The following DENND11 variants were observed in gnomAD, a reference collection of about 807,000 sequenced individuals.
The protein encoded by DENND11 is DENN domain containing 11.
Under a neutral mutation model 49.2 loss-of-function variants are expected in DENND11, and 34 were observed. The observed-to-expected ratio is 0.69, with a 90% CI of 0.53 to 0.92. The LOEUF is 0.92. Ranked by LOEUF, DENND11 falls within the 40% of genes least tolerant of loss-of-function variation. DENND11 has a pLI of 0.00. For synonymous variants in DENND11, 238 were observed against 230.3 expected, an observed-to-expected ratio of 1.03 and a Z score of -0.30; for missense variants, 475 against 581.6, an observed-to-expected ratio of 0.82 and a Z score of 1.88.
chr7:141,683,660 AC>A (rs372512537), intron 3 of DENND11, among the ~76,000 whole-genome samples: 82 of 151,892 alleles, frequency 5.4e-4, no homozygotes, highest in Middle Eastern at 6.8e-3. Flanking sequence ...AAAAACAACA[AC>A]AACAAAACAA....
chr7:141,667,406 C>T (rs540266685), intron 4 of DENND11, among the ~76,000 whole-genome samples: 8 of 152,190 alleles, frequency 5.3e-5, no homozygotes, highest in African/African-American at 1.7e-4. Flanking sequence ...GGTTCACTAT[C>T]CTTAACTGTG....
chr7:141,681,841 TGTG>T (rs1798151654), intron 3 of DENND11, among the ~76,000 whole-genome samples: 1 of 152,080 alleles, frequency 6.6e-6, no homozygotes, highest in South Asian at 2.1e-4. Context: ...CCACTGTAGA[TGTG>T]GTTATGGAGG....
At chr7:141,669,044 A>T (rs1189827194) in intron 4 of DENND11, among the ~76,000 whole-genome samples, 1 of 152,146 alleles carries the variant, frequency 6.6e-6, no homozygotes, top group African/African-American at 2.4e-5. Flanking sequence ...CCACTAGGGA[A>T]GCCCTCCACT....
intron 1 of DENND11, among the ~76,000 whole-genome samples, chr7:141,699,829 C>G (rs1184176842): frequency 6.6e-6 from 1 of 152,180 alleles, no homozygotes; most frequent in Non-Finnish European, 1.5e-5. Flanking sequence ...ATAAATCAAA[C>G]AGCATTATAG....
rs1280432784 is a variant in DENND11, at chr7:141,662,535, A to G, written c.*121T>C. 1.5e-5 allele frequency: 9 copies of G among 599,450 alleles called. No homozygotes were observed. Among genetic ancestry groups the G allele is most frequent in the African/African-American group, 3.8e-5 (2 of 52,068 alleles). The allele number at this position is 599,450 out of a possible 1,614,324, so 37.1% of individuals were successfully genotyped here. A position where few individuals can be genotyped will look rare whatever the true frequency, so the allele number is the denominator to read the frequency against. On this transcript the variant is annotated 3_prime_UTR_variant, in exon 9 of 9. Coordinates refer to ENST00000536163, the MANE Select transcript of DENND11 (RefSeq NM_001080392.2). ...AAATTGCAAAAATTATGTTTGTTGG[A>G]AAGTATAAACAATATTCCTTTGTGT... is the stretch of plus-strand genomic sequence containing the variant.
chr7:141,669,736 T>C (rs1253376263), intron 4 of DENND11, among the ~76,000 whole-genome samples: 1 of 151,954 alleles, frequency 6.6e-6, no homozygotes, highest in Non-Finnish European at 1.5e-5. Flanking sequence ...TAAAATGTTA[T>C]ATTTCAATAA....
At chr7:141,685,003 T>A (rs1168745688) in intron 3 of DENND11, among the ~76,000 whole-genome samples, 1 of 118,852 alleles carries the variant, frequency 8.4e-6, no homozygotes, top group Non-Finnish European at 1.7e-5. Context: ...AGTAAGAGCC[T>A]GTCTCTACCA....
At position 141,674,092 on chromosome 7, in the gene DENND11, T is replaced by C. The variant is rs566897224; in HGVS notation, c.656A>G (p.His219Arg). 3 of 1,604,092 alleles carry C rather than the reference T, an allele frequency of 1.9e-6. No individual in the cohort carries two copies. In the East Asian group the frequency reaches 6.7e-5, roughly 36 times the overall value. ...CTTCATCTCAGGGTACATGTATCGGTGGATGGAAGGCAGCCAGTAGACAGG... is the reference window on the plus strand; with the variant it reads ...CTTCATCTCAGGGTACATGTATCGGCGGATGGAAGGCAGCCAGTAGACAGG... ...LPPVYWLPSI[H>R]RYMYPEMKIT... The change falls in exon 4 of 9, where the codon CAC becomes CGC. Residue 219 changes from histidine (H) to arginine (R), a missense_variant. His to Arg is a conservative substitution (Grantham distance 29, BLOSUM62 0). Transcript: ENST00000536163.
At chr7:141,688,287 A>G (rs959563761) in intron 1 of DENND11, among the ~76,000 whole-genome samples, 1 of 152,184 alleles carries the variant, frequency 6.6e-6, no homozygotes, top group Non-Finnish European at 1.5e-5. Flanking sequence ...CCAAATCCTA[A>G]TTTGCTAGGC....
In DENND11 at chr7:141,657,735, A is replaced by G. The variant is rs571685989; in HGVS notation, c.*4921T>C. ...CTAAAAATCGAAAATAAATTCTAAA[A>G]AGAGGAAAGCAAGGCTTTTGTCTCC... On this transcript the variant is annotated 3_prime_UTR_variant, in exon 9 of 9. Coordinates refer to ENST00000536163, the MANE Select transcript of DENND11 (RefSeq NM_001080392.2). 6.5e-6 allele frequency: 1 copy of G among 152,744 alleles called. No homozygotes were observed. Among genetic ancestry groups the G allele is most frequent in the African/African-American group, 2.4e-5 (1 of 41,588 alleles). 9.5% of individuals were successfully genotyped at this position (152,744 alleles called of 1,614,324 possible). A position where few individuals can be genotyped will look rare whatever the true frequency, so the allele number is the denominator to read the frequency against.
chr7:141,664,607 A>G (rs1238886389), intron 7 of DENND11, among the ~76,000 whole-genome samples: 3 of 152,206 alleles, frequency 2.0e-5, no homozygotes. Flanking sequence ...ACACAGGTAC[A>G]TCTAAAGGTC....
At chr7:141,670,929 G>C (rs1406828679) in intron 4 of DENND11, among the ~76,000 whole-genome samples, 1 of 152,172 alleles carries the variant, frequency 6.6e-6, no homozygotes, top group African/African-American at 2.4e-5. Context: ...TTGGGTATCT[G>C]AGGGAGGGTG....
At chr7:141,682,357 C>G (rs1798160653) in intron 3 of DENND11, among the ~76,000 whole-genome samples, 2 of 152,192 alleles carry the variant, frequency 1.3e-5, no homozygotes, top group Admixed American at 1.3e-4. Context: ...AAAGTCAAGT[C>G]TTCCCTTCTT....
chr7:141,679,627 G>A (rs1199622050), intron 3 of DENND11, among the ~76,000 whole-genome samples: 2 of 151,544 alleles, frequency 1.3e-5, no homozygotes, highest in Admixed American at 1.3e-4. Flanking sequence ...CAGGAGAATC[G>A]CTTGAACCTG....
intron 1 of DENND11, among the ~76,000 whole-genome samples, chr7:141,696,472 CCT>C (rs796111410): frequency 5.3e-5 from 8 of 152,312 alleles, no homozygotes; most frequent in African/African-American, 1.7e-4. Flanking sequence ...TCTTCTTCCT[CCT>C]CTGTTAGATG....
Position 141,661,171 on chromosome 7 carries a change from TCA to T in DENND11, c.*1483_*1484del, listed in dbSNP as rs1181345545. ...GTACATTAGTCTGGCTGGGTGTTGG[TCA>T]CAGACATGGATGCACTGACGGCTAT... On this transcript the variant is annotated 3_prime_UTR_variant, in exon 9 of 9. Coordinates refer to ENST00000536163, the MANE Select transcript of DENND11 (RefSeq NM_001080392.2). The T allele has an allele frequency of 6.6e-6, 1 of 152,188 alleles. No individual in the cohort carries two copies. The highest frequency in any genetic ancestry group is 2.4e-5 in the African/African-American group (1 of 41,446). 9.4% of individuals were successfully genotyped at this position (152,188 alleles called of 1,614,324 possible).
chr7:141,685,402 G>A, intron 3 of DENND11, 76 bp downstream of exon 3: 2 of 1,540,598 alleles, frequency 1.3e-6, no homozygotes, highest in East Asian at 2.3e-5. Context: ...CGCAAATGCT[G>A]TCTCCGAGGG....
At chr7:141,663,265 CCCTTG>C (rs1253492077) in intron 8 of DENND11, 1 of 166,378 alleles carries the variant, frequency 6.0e-6, no homozygotes, top group East Asian at 1.8e-4. Flanking sequence ...TGTTTGCTCT[CCCTTG>C]ATGACTCTTT....
chr7:141,691,583 A>C (rs1257546302), intron 1 of DENND11, among the ~76,000 whole-genome samples: 1 of 152,218 alleles, frequency 6.6e-6, no homozygotes, highest in African/African-American at 2.4e-5. Context: ...TGTTAGTTAC[A>C]TCCTTCACTC....
Sources: allele counts gnomAD v4.1 joint callset (sites outside exome capture counted in the v4.1 genomes callset), GRCh38; gene constraint gnomAD v4.1.1; transcripts MANE v1.5; gene names NCBI Gene and HGNC (gene_info 2026-07-23, HGNC 2026-07-21).